Variants in RABGAP1 observed in about 807,000 individuals in gnomAD.
RABGAP1 encodes the protein rab GTPase-activating protein 1.
A neutral mutation model predicts 137.6 loss-of-function variants in RABGAP1; 23 were observed. That is an observed-to-expected ratio of 0.17 (90% CI 0.12 to 0.24). The LOEUF (loss-of-function observed/expected upper bound fraction) is 0.24, where lower values mean the gene tolerates loss of function less well. Among genes scored for constraint, RABGAP1 ranks in the 10% least tolerant of loss-of-function variants. RABGAP1 has a pLI of 1.00. For missense variants in RABGAP1, 906 were observed against 1,275.8 expected, an observed-to-expected ratio of 0.71 and a Z score of 4.42; for synonymous variants, 451 against 450.7, an observed-to-expected ratio of 1.00 and a Z score of -0.01.
intron 21 of RABGAP1, among the ~76,000 whole-genome samples, chr9:123,090,671 A>G (rs140381116): frequency 2.6e-4 from 39 of 152,352 alleles, no homozygotes; most frequent in African/African-American, 7.5e-4. Flanking sequence ...TTACATTACT[A>G]TAATTGGCAG....
At chr9:122,979,490 GTTTTTC>G (rs1051760617) in intron 2 of RABGAP1, among the ~76,000 whole-genome samples, 2 of 152,084 alleles carry the variant, frequency 1.3e-5, no homozygotes, top group African/African-American at 4.8e-5. Context: ...AAGTTCTCAA[GTTTTTC>G]TTTTATGATT....
intron 10 of RABGAP1, among the ~76,000 whole-genome samples, chr9:123,003,622 A>G (rs1033844464): frequency 6.6e-6 from 1 of 152,186 alleles, no homozygotes; most frequent in African/African-American, 2.4e-5. Flanking sequence ...TTTTCCTTTC[A>G]CTAAAATTAT....
At chr9:123,089,675 A>G (rs2034978907) in intron 19 of RABGAP1, 83 bp from the exon 20 acceptor site, 1 of 1,054,150 alleles carries the variant, frequency 9.5e-7, no homozygotes, top group Admixed American at 2.3e-5. Flanking sequence ...CCAGGCCACC[A>G]GAAGTCTTGG....
At chr9:123,012,126 T>A (rs1427399122) in intron 11 of RABGAP1, among the ~76,000 whole-genome samples, 1 of 152,230 alleles carries the variant, frequency 6.6e-6, no homozygotes, top group Non-Finnish European at 1.5e-5. Flanking sequence ...ATAAAGCATT[T>A]TGAAGTATGG....
intron 13 of RABGAP1, among the ~76,000 whole-genome samples, chr9:123,038,167 C>G (rs1325470493): frequency 6.6e-6 from 1 of 152,054 alleles, no homozygotes; most frequent in Admixed American, 6.6e-5. Context: ...GTGTGCTCAA[C>G]TTTAGTGAGA....
upstream of RABGAP1, chr9:122,938,762 G>A (rs1833433269): frequency 6.6e-6 from 1 of 152,130 alleles, no homozygotes; most frequent in African/African-American, 2.4e-5. Context: ...CCTGTCACTT[G>A]TGAGGTATAC....
At chr9:123,025,061 T>A (rs1486087267) in intron 13 of RABGAP1, among the ~76,000 whole-genome samples, 2 of 152,220 alleles carry the variant, frequency 1.3e-5, no homozygotes, top group Non-Finnish European at 2.9e-5. Flanking sequence ...TGTGTTAATT[T>A]TTATGTCTTT....
At chr9:123,014,877 T>C (rs947257214) in intron 11 of RABGAP1, among the ~76,000 whole-genome samples, 3 of 151,880 alleles carry the variant, frequency 2.0e-5, no homozygotes, top group Non-Finnish European at 2.9e-5. Flanking sequence ...GAAGAATGAG[T>C]GCCAGCAGGG....
intron 2 of RABGAP1, among the ~76,000 whole-genome samples, chr9:122,979,550 A>G (rs1835941756): frequency 6.6e-6 from 1 of 152,214 alleles, no homozygotes; most frequent in Non-Finnish European, 1.5e-5. Context: ...ACAAGATCAA[A>G]AAGATTTCTC....
intron 20 of RABGAP1, 56 bp downstream of exon 20, chr9:123,089,906 T>C (rs2034985129): frequency 6.9e-7 from 1 of 1,440,060 alleles, no homozygotes. Context: ...TTTCATATGA[T>C]TGCGCCTGTA....
intron 2 of RABGAP1, among the ~76,000 whole-genome samples, chr9:122,973,220 C>T (rs997961583): frequency 1.3e-5 from 2 of 152,090 alleles, no homozygotes; most frequent in Non-Finnish European, 2.9e-5. Flanking sequence ...ACTAGTGTTT[C>T]TTATGCAGAA....
chr9:123,010,578 A>C (rs1160276464), intron 11 of RABGAP1, 50 bp downstream of exon 11: 1 of 1,516,250 alleles, frequency 6.6e-7, no homozygotes, highest in East Asian at 2.3e-5. Flanking sequence ...AAGACCATGC[A>C]AACTATTAAA....
chr9:123,046,369 T>C (rs1254341392), intron 13 of RABGAP1, among the ~76,000 whole-genome samples: 1 of 152,144 alleles, frequency 6.6e-6, no homozygotes, highest in Non-Finnish European at 1.5e-5. Context: ...TTTTGGCAGC[T>C]CCTATTTTAA....
intron 9 of RABGAP1, 25 bp from the exon 10 acceptor site, chr9:122,998,572 T>C: frequency 6.7e-7 from 1 of 1,481,988 alleles, no homozygotes; most frequent in South Asian, 1.3e-5. Context: ...ATTTACCTCT[T>C]CAGCCTCTCT....
intron 1 of RABGAP1, among the ~76,000 whole-genome samples, chr9:122,943,064 T>C (rs1833694085): frequency 7.1e-6 from 1 of 139,952 alleles, no homozygotes; most frequent in African/African-American, 2.6e-5. Flanking sequence ...CATGTTGTGG[T>C]GCACTTTCTT....
chr9:123,026,815 A>T (rs952776185), intron 13 of RABGAP1, among the ~76,000 whole-genome samples: 1 of 152,046 alleles, frequency 6.6e-6, no homozygotes, highest in Non-Finnish European at 1.5e-5. Flanking sequence ...GTTATTTTTT[A>T]CCTTTTGTGT....
At chr9:122,990,785 AAAAAAAAAAAAATATATATATAT>A (rs1170226475) in intron 6 of RABGAP1, 12 of 82,536 alleles carry the variant, frequency 1.5e-4, no homozygotes, top group Middle Eastern at 5.2e-3. Context: ...AAAAAAAAAA[AAAAAAAAAAAAATATATATATAT>A]ATATATATAT....
chr9:123,078,096 T>G (rs1172874287), intron 19 of RABGAP1, among the ~76,000 whole-genome samples: 2 of 152,200 alleles, frequency 1.3e-5, no homozygotes, highest in Non-Finnish European at 2.9e-5. Flanking sequence ...GATATGATTT[T>G]GGGCCTTTAG....
intron 10 of RABGAP1, among the ~76,000 whole-genome samples, chr9:123,007,539 G>A (rs1036790220): frequency 6.9e-6 from 1 of 145,494 alleles, no homozygotes; most frequent in African/African-American, 2.5e-5. Flanking sequence ...CACCACACCT[G>A]GCTAAGTTTT....
Sources: allele counts gnomAD v4.1 joint callset (sites outside exome capture counted in the v4.1 genomes callset), GRCh38; gene constraint gnomAD v4.1.1; transcripts MANE v1.5; gene names NCBI Gene and HGNC (gene_info 2026-07-23, HGNC 2026-07-21).